UBASH3B: variants seen among roughly 807,000 people sequenced by gnomAD.
UBASH3B encodes ubiquitin-associated and SH3 domain-containing protein B.
Under a neutral mutation model 83.4 loss-of-function variants are expected in UBASH3B, and 37 were observed. That is an observed-to-expected ratio of 0.44 (90% CI 0.34 to 0.58). The LOEUF is 0.58. Among genes scored for constraint, UBASH3B ranks in the 20% least tolerant of loss-of-function variants. The pLI, the probability that UBASH3B is intolerant of heterozygous loss-of-function variation, is 0.01. For missense variants in UBASH3B, 657 were observed against 827.2 expected (o/e 0.79, Z 2.52); for synonymous variants, 304 against 318.3 (o/e 0.96, Z 0.48).
At chr11:122,682,940 A>G (rs1027026809) in intron 1 of UBASH3B, among the ~76,000 whole-genome samples, 31 of 152,174 alleles carry the variant, frequency 2.0e-4, no homozygotes, top group Admixed American at 9.8e-4. Context: ...CACCCTCCCC[A>G]TATAATTTTG....
chr11:122,715,799 C>A (rs959002921), intron 1 of UBASH3B, among the ~76,000 whole-genome samples: 5 of 152,260 alleles, frequency 3.3e-5, no homozygotes, highest in South Asian at 2.1e-4. Context: ...GGTTCTGTAA[C>A]CACAAAGAGA....
rs1159285834 is a variant in UBASH3B at position 122,813,656 on chromosome 11, TGAGAC to T, written c.*3771_*3775del. ...TAAAAGGCTGCATTGCGGGGAGAGA[TGAGAC>T]AGGCAGAGGAGGGTGGGGTAAAGAG... On this transcript the variant is annotated 3_prime_UTR_variant, in exon 14 of 14. Transcript: ENST00000284273. The T allele has an allele frequency of 6.6e-6, 1 of 152,164 alleles. No homozygotes were observed. The highest frequency in any genetic ancestry group is 2.4e-5 in the African/African-American group (1 of 41,436). 9.4% of individuals were successfully genotyped at this position (152,164 alleles called of 1,614,324 possible). A position where few individuals can be genotyped will look rare whatever the true frequency, so the allele number is the denominator to read the frequency against.
chr11:122,699,010 C>T (rs932617629), intron 1 of UBASH3B, among the ~76,000 whole-genome samples: 80 of 152,256 alleles, frequency 5.3e-4, no homozygotes, highest in African/African-American at 1.9e-3. Context: ...GCACCACACC[C>T]AGCTAATTTT....
intron 1 of UBASH3B, among the ~76,000 whole-genome samples, chr11:122,695,868 G>A (rs980582346): frequency 6.6e-6 from 1 of 152,230 alleles, no homozygotes; most frequent in Non-Finnish European, 1.5e-5. Flanking sequence ...TGGTAGTTTA[G>A]AACTGTTGGG....
At chr11:122,719,264 T>C (rs1280172570) in intron 1 of UBASH3B, among the ~76,000 whole-genome samples, 1 of 152,146 alleles carries the variant, frequency 6.6e-6, no homozygotes, top group Non-Finnish European at 1.5e-5. Context: ...CCTCATCAGA[T>C]GATTGGTTTA....
intron 1 of UBASH3B, among the ~76,000 whole-genome samples, chr11:122,720,352 CCA>C (rs1333990686): frequency 6.6e-6 from 1 of 152,234 alleles, no homozygotes; most frequent in East Asian, 1.9e-4. Flanking sequence ...TTCCACAGAT[CCA>C]AATCCCTGGC....
chr11:122,698,821 GT>G lies in UBASH3B; in HGVS notation c.161+42612del, dbSNP rs373690505. 3.4e-3 allele frequency among the ~76,000 whole-genome samples: 524 copies of G among 152,310 alleles called. 24 individuals carry two copies. The South Asian group carries it at 0.1, about 31-fold the overall frequency. On this transcript the variant is annotated intron_variant, in intron 1 of 13. Coordinates refer to ENST00000284273, the MANE Select transcript of UBASH3B (RefSeq NM_032873.5). ...AATCTGAAGTTGTGGTTATAAATGT[GT>G]AGTGTGTGCAGACCATATACTGGGA...
At chr11:122,684,370 G>A (rs925760908) in intron 1 of UBASH3B, among the ~76,000 whole-genome samples, 4 of 152,134 alleles carry the variant, frequency 2.6e-5, no homozygotes, top group East Asian at 1.9e-4. Context: ...TCTAGAGAGC[G>A]ACAAGCAAAA....
chr11:122,798,981 T>C lies in UBASH3B; in HGVS notation c.1397T>C (p.Val466Ala), dbSNP rs373582327. 6.2e-7 allele frequency: 1 copy of C among 1,613,994 alleles called. No individual in the cohort carries two copies. Among genetic ancestry groups the C allele is most frequent in the Non-Finnish European group, 8.5e-7 (1 of 1,180,000 alleles). ...GAGAGCAATACCATTATCGATCATG[T>C]CTATTGCTCCCCGTCCCTTCGCTGC... ...LLESNTIIDHVYCSPSLRCVQ... is the reference protein window; with the variant it reads ...LLESNTIIDHAYCSPSLRCVQ... The change falls in exon 10 of 14, where the codon GTC becomes GCC. Residue 466 changes from valine (V) to alanine (A), a missense_variant. Val to Ala is a moderately conservative substitution (Grantham distance 64). Coordinates refer to ENST00000284273, the MANE Select transcript of UBASH3B (RefSeq NM_032873.5).
At chr11:122,662,317 G>T (rs1406771575) in intron 1 of UBASH3B, among the ~76,000 whole-genome samples, 1 of 152,080 alleles carries the variant, frequency 6.6e-6, no homozygotes, top group African/African-American at 2.4e-5. Context: ...GTGATTACCT[G>T]CTACAAGACA....
chr11:122,744,412 G>A (rs1212711078), intron 1 of UBASH3B, among the ~76,000 whole-genome samples: 1 of 152,160 alleles, frequency 6.6e-6, no homozygotes, highest in African/African-American at 2.4e-5. Flanking sequence ...CGTGTTGTGT[G>A]CATTTGAGCA....
chr11:122,655,925 G>C lies in UBASH3B; in HGVS notation c.-125G>C. ...TGGGGAAGCTCGGAGCGCCGCCTCC[G>C]CTGCCGCCGCCTCCTGCCTGGCTCT... On this transcript the variant is annotated 5_prime_UTR_variant, in exon 1 of 14. Transcript: ENST00000284273. 9.2e-7 allele frequency: 1 copy of C among 1,089,790 alleles called. No individual in the cohort carries two copies. The highest frequency in any genetic ancestry group is 1.2e-6 in the Non-Finnish European group (1 of 816,116). 67.5% of individuals were successfully genotyped at this position (1,089,790 alleles called of 1,614,324 possible). A position where few individuals can be genotyped will look rare whatever the true frequency, so the allele number is the denominator to read the frequency against.
intron 1 of UBASH3B, among the ~76,000 whole-genome samples, chr11:122,674,217 A>C (rs916200542): frequency 6.6e-6 from 1 of 152,210 alleles, no homozygotes; most frequent in Non-Finnish European, 1.5e-5. Flanking sequence ...ATCATGAAAG[A>C]GCTAGTGAAA....
chr11:122,804,682 G>A (rs1406807070), intron 11 of UBASH3B, among the ~76,000 whole-genome samples: 1 of 152,136 alleles, frequency 6.6e-6, no homozygotes, highest in Non-Finnish European at 1.5e-5. Context: ...TGACACATAT[G>A]GGAACCTCAG....
At chr11:122,771,352 C>A (rs1238368521) in intron 1 of UBASH3B, among the ~76,000 whole-genome samples, 1 of 152,128 alleles carries the variant, frequency 6.6e-6, no homozygotes, top group Non-Finnish European at 1.5e-5. Flanking sequence ...CCTGCCTCAG[C>A]CTCCCAAGTA....
rs1445636652 is a variant in UBASH3B at position 122,811,818 on chromosome 11, A to C, written c.*1932A>C. The C allele has an allele frequency of 6.6e-6, 1 of 152,220 alleles. No individual in the cohort carries two copies. The highest frequency in any genetic ancestry group is 2.4e-5 in the African/African-American group (1 of 41,458). 9.4% of individuals were successfully genotyped at this position (152,220 alleles called of 1,614,324 possible). On this transcript the variant is annotated 3_prime_UTR_variant, in exon 14 of 14. Transcript: ENST00000284273. ...TTCCCAATAAAGGTCTTAAGAGAAA[A>C]GTCACATTACAAGTAATGTAATGGC... is the stretch of plus-strand genomic sequence containing the variant.
chr11:122,787,324 G>A (rs1430519215), intron 5 of UBASH3B, among the ~76,000 whole-genome samples: 1 of 152,152 alleles, frequency 6.6e-6, no homozygotes, highest in Non-Finnish European at 1.5e-5. Flanking sequence ...GTTTGAGTGT[G>A]TATGAGGCAA....
intron 1 of UBASH3B, among the ~76,000 whole-genome samples, chr11:122,678,186 A>G (rs1863692121): frequency 6.6e-6 from 1 of 152,202 alleles, no homozygotes; most frequent in Non-Finnish European, 1.5e-5. Flanking sequence ...TAGGGCTTCA[A>G]TATATGAATT....
At chr11:122,783,364 G>T (rs1464924628) in intron 5 of UBASH3B, 142 bp downstream of exon 5, 1 of 1,006,982 alleles carries the variant, frequency 9.9e-7, no homozygotes, top group East Asian at 2.7e-5. Flanking sequence ...TCAGGATTGT[G>T]TCCAGCCTCT....
Sources: gnomAD v4.1 joint callset for allele counts (sites outside exome capture counted in the v4.1 genomes callset) on GRCh38, gnomAD v4.1.1 for gene constraint, MANE v1.5 for transcripts, NCBI Gene and HGNC (gene_info 2026-07-23, HGNC 2026-07-21) for gene names.